SLC38A8: variants seen among roughly 807,000 people sequenced by gnomAD.
SLC38A8 encodes the protein amino acid transporter SLC38A8.
Under a neutral mutation model 46.0 loss-of-function variants are expected in SLC38A8, and 65 were observed. The observed-to-expected ratio is 1.41, with a 90% confidence interval of 1.16 to 1.74. The LOEUF is 1.74. Ranked by LOEUF, SLC38A8 falls within the 40% of genes most tolerant of loss-of-function variation. The probability of loss-of-function intolerance (pLI) is 0.00; values close to 1 mark genes in which losing one functional copy is unlikely to be tolerated. For synonymous variants in SLC38A8, 447 were observed against 243.7 expected, an observed-to-expected ratio of 1.83 and a Z score of -7.77; for missense variants, 998 against 567.9, an observed-to-expected ratio of 1.76 and a Z score of -7.70.
rs397855804 is a variant in SLC38A8, at chr16:84,010,067, A to ATTT, written c.1215-193_1215-191dup. Among the ~76,000 whole-genome samples the ATTT allele has an allele frequency of 2.5e-3, 278 of 111,932 alleles. 12 individuals are homozygous for ATTT. The highest frequency in any genetic ancestry group is 9.6e-3 in the Middle Eastern group (2 of 208). The allele number at this position is 111,932 out of a possible 152,430, so 73.4% of individuals were successfully genotyped here. On this transcript the variant is annotated intron_variant, in intron 10 of 10. Transcript: ENST00000299709. Reference sequence around the variant, plus strand: ...CAATGGGAAGCAAAGTACCCAGGCAATTTTTTTTTTTTTTTTTTTTTGAGG... The same window carrying ATTT: ...CAATGGGAAGCAAAGTACCCAGGCAATTTTTTTTTTTTTTTTTTTTTTTTGAGG...
chr16:84,031,361 A>G (rs749118449), intron 5 of SLC38A8, among the ~76,000 whole-genome samples: 2 of 152,150 alleles, frequency 1.3e-5, no homozygotes, highest in Non-Finnish European at 2.9e-5. Context: ...CTTTCTAAAA[A>G]CAAATCCTGT....
intron 5 of SLC38A8, among the ~76,000 whole-genome samples, chr16:84,030,842 G>C (rs1048773994): frequency 1.3e-5 from 2 of 151,598 alleles, no homozygotes; most frequent in African/African-American, 4.8e-5. Context: ...GGTGACTGTA[G>C]GGGTCGCACA....
At chr16:84,016,497 G>A (rs777599672) in intron 9 of SLC38A8, 22 bp downstream of exon 9, 2 of 1,610,200 alleles carry the variant, frequency 1.2e-6, no homozygotes, top group Non-Finnish European at 1.7e-6. Context: ...TGGGCAGAAA[G>A]CCTGGAAAGC....
intron 10 of SLC38A8, among the ~76,000 whole-genome samples, chr16:84,012,676 C>A (rs1339923044): frequency 1.3e-5 from 2 of 152,204 alleles, no homozygotes; most frequent in African/African-American, 4.8e-5. Context: ...CACCCTGATC[C>A]TGCCCTGGGT....
chr16:84,029,857 G>C (rs1458134815), intron 5 of SLC38A8, among the ~76,000 whole-genome samples: 2 of 152,194 alleles, frequency 1.3e-5, no homozygotes, highest in South Asian at 2.1e-4. Flanking sequence ...CTGGCTCCCA[G>C]TGCGGTTTGG....
intron 3 of SLC38A8, among the ~76,000 whole-genome samples, chr16:84,036,370 CCAAAGCTAAAGGTGTTACTGGT>C (rs2085299241): frequency 2.6e-5 from 4 of 152,232 alleles, no homozygotes; most frequent in African/African-American, 9.6e-5. Context: ...CACAGCCATT[CCAAAGCTAAAGGTGTTACTGGT>C]TCTTTCTCAG....
intron 2 of SLC38A8, 90 bp from the exon 3 acceptor site, chr16:84,036,990 G>A: frequency 1.5e-6 from 2 of 1,326,046 alleles, no homozygotes; most frequent in South Asian, 2.6e-5. Context: ...TCTCCACATG[G>A]CTTCTCATCC....
intron 10 of SLC38A8, among the ~76,000 whole-genome samples, chr16:84,012,614 C>G (rs756658656): frequency 1.3e-5 from 2 of 152,220 alleles, no homozygotes; most frequent in Admixed American, 6.5e-5. Context: ...CAGCGACCCA[C>G]TGCTGTGATG....
intron 2 of SLC38A8, among the ~76,000 whole-genome samples, chr16:84,041,719 G>C (rs1050508721): frequency 6.6e-6 from 1 of 152,190 alleles, no homozygotes; most frequent in Non-Finnish European, 1.5e-5. Flanking sequence ...CACAGACAGA[G>C]CTGCGATGCC....
chr16:84,013,936 C>A (rs2084990621), intron 9 of SLC38A8, among the ~76,000 whole-genome samples: 1 of 152,044 alleles, frequency 6.6e-6, no homozygotes, highest in Non-Finnish European at 1.5e-5. Context: ...GGAGGAGCCA[C>A]GTGGCCACAG....
rs2085359285 is a variant in SLC38A8, at chr16:84,040,837, T to C, written c.189+1132A>G. ...TGAAGCTGATGACATGCATCTTGTCTGACTTCCCATTAAAACAAAGCTCCA... is the reference window on the plus strand; with the variant it reads ...TGAAGCTGATGACATGCATCTTGTCCGACTTCCCATTAAAACAAAGCTCCA... On this transcript the variant is annotated intron_variant, in intron 2 of 10. Coordinates refer to ENST00000299709, the MANE Select transcript of SLC38A8 (RefSeq NM_001080442.3). Among the ~76,000 whole-genome samples, 6 of 152,300 alleles carry C rather than the reference T, an allele frequency of 3.9e-5. No individual in the cohort carries two copies. The South Asian group carries it at 1.2e-3, about 32-fold the overall frequency.
chr16:84,011,909 G>C (rs538901149), intron 10 of SLC38A8, among the ~76,000 whole-genome samples: 2 of 152,104 alleles, frequency 1.3e-5, no homozygotes, highest in African/African-American at 4.8e-5. Context: ...TAAAAGCAGA[G>C]GGATTTCTGA....
At chr16:84,024,698 T>C (rs2085140910) in intron 6 of SLC38A8, among the ~76,000 whole-genome samples, 1 of 151,960 alleles carries the variant, frequency 6.6e-6, no homozygotes, top group Non-Finnish European at 1.5e-5. Flanking sequence ...GGAGAGTCGC[T>C]CAAGCCTGGG....
At chr16:84,023,550 C>G (rs1017019016) in intron 6 of SLC38A8, among the ~76,000 whole-genome samples, 4 of 151,966 alleles carry the variant, frequency 2.6e-5, no homozygotes, top group African/African-American at 7.3e-5. Flanking sequence ...GACAAAGAAC[C>G]ATGCACCTCA....
intron 9 of SLC38A8, among the ~76,000 whole-genome samples, chr16:84,016,049 C>A (rs1409771141): frequency 6.9e-6 from 1 of 145,150 alleles, no homozygotes; most frequent in Non-Finnish European, 1.5e-5. Flanking sequence ...GGAGGCCTCA[C>A]AATCATGGCA....
chr16:84,017,374 TACC>T, intron 7 of SLC38A8, 87 bp from the exon 8 acceptor site: 1 of 1,498,342 alleles, frequency 6.7e-7, no homozygotes, highest in Non-Finnish European at 9.1e-7. Flanking sequence ...CGCCTGGCTT[TACC>T]ACCTAAGATT....
At chr16:84,027,046 A>G (rs1458970614) in intron 6 of SLC38A8, among the ~76,000 whole-genome samples, 2 of 152,174 alleles carry the variant, frequency 1.3e-5, no homozygotes, top group African/African-American at 2.4e-5. Context: ...CTCAATAAAG[A>G]TATTTTTTAA....
At chr16:84,024,772 C>T (rs993467263) in intron 6 of SLC38A8, among the ~76,000 whole-genome samples, 3 of 152,134 alleles carry the variant, frequency 2.0e-5, no homozygotes, top group African/African-American at 7.2e-5. Flanking sequence ...TCGCCGCAAC[C>T]TCCGCCTCCC....
In SLC38A8 at chr16:84,036,832, G is replaced by T. The variant is rs1321519437; in HGVS notation, c.258C>A (p.Ala86=). 1 of 1,613,972 alleles carries T rather than the reference G, an allele frequency of 6.2e-7. No homozygotes were observed. ...LGYAAAVSGQ[A]TYQGVVRGLC... Reference sequence around the variant, plus strand: ...GCCCCCTGACCACACCCTGGTAGGTGGCCTGGCCACTGACAGCAGCAGCAT... The same window carrying T: ...GCCCCCTGACCACACCCTGGTAGGTTGCCTGGCCACTGACAGCAGCAGCAT... Residue 86 remains alanine, a synonymous_variant, in exon 3 of 11, where the codon GCC becomes GCA. Transcript: ENST00000299709.
Sources: gnomAD v4.1 joint callset for allele counts (sites outside exome capture counted in the v4.1 genomes callset) on GRCh38, gnomAD v4.1.1 for gene constraint, MANE v1.5 for transcripts, NCBI Gene and HGNC (gene_info 2026-07-23, HGNC 2026-07-21) for gene names.